CDYL: variants seen among roughly 807,000 people sequenced by gnomAD.
CDYL encodes the protein chromodomain Y-like protein.
CDYL carries 8 observed loss-of-function variants against 47.3 expected under a neutral mutation model. That is an observed-to-expected ratio of 0.17 (90% CI 0.10 to 0.31). The LOEUF (loss-of-function observed/expected upper bound fraction) is 0.31. Ranked by LOEUF, CDYL falls within the 10% of genes least tolerant of loss-of-function variation. The pLI is 1.00. For synonymous variants in CDYL, 266 were observed against 265.0 expected (o/e 1.00, Z -0.04); for missense variants, 471 against 701.4 (o/e 0.67, Z 3.71).
intron 1 of CDYL, among the ~76,000 whole-genome samples, chr6:4,879,496 T>C (rs1471236087): frequency 6.6e-6 from 1 of 151,820 alleles, no homozygotes; most frequent in Non-Finnish European, 1.5e-5. Flanking sequence ...TTTAGTTTCA[T>C]GAGAGTCTCC....
At chr6:4,894,963 G>A (rs28580117) in intron 2 of CDYL, among the ~76,000 whole-genome samples, 3 of 149,334 alleles carry the variant, frequency 2.0e-5, no homozygotes, top group African/African-American at 7.6e-5. Context: ...GTATATATAC[G>A]TATGTGTATA....
intron 1 of CDYL, among the ~76,000 whole-genome samples, chr6:4,857,461 A>G (rs1449423834): frequency 2.6e-5 from 4 of 152,236 alleles, no homozygotes; most frequent in Non-Finnish European, 5.9e-5. Flanking sequence ...TTCTTGAGAA[A>G]TAAGTCTAAG....
chr6:4,729,579 C>T (rs1423594925), intron 2 of CDYL, among the ~76,000 whole-genome samples: 1 of 152,172 alleles, frequency 6.6e-6, no homozygotes, highest in East Asian at 1.9e-4. Flanking sequence ...AATTAGAAAT[C>T]CATCATCTAA....
rs1297998802 is a variant in CDYL, at chr6:4,776,818, TC to T, written c.24+17del. 19 of 756,380 alleles carry T rather than the reference TC, an allele frequency of 2.5e-5. No individual in the cohort carries two copies. The highest frequency in any genetic ancestry group is 1.2e-4 in the Admixed American group (2 of 16,278). 46.9% of individuals were successfully genotyped at this position (756,380 alleles called of 1,614,324 possible). ...GAGGAGCTGTACGAGGTACCTCCCC[TC>T]CCCCCGGCCTCGGGCCGCCCCCCGC... On this transcript the variant is annotated intron_variant, in intron 1 of 6. Coordinates refer to ENST00000397588, the MANE Select transcript of CDYL (RefSeq NM_004824.4).
At chr6:4,872,350 C>T (rs1292387720) in intron 1 of CDYL, among the ~76,000 whole-genome samples, 2 of 134,056 alleles carry the variant, frequency 1.5e-5, no homozygotes, top group African/African-American at 5.8e-5. Flanking sequence ...TTGGTTGGTA[C>T]ATTAGGTTTA....
intron 2 of CDYL, among the ~76,000 whole-genome samples, chr6:4,729,310 C>T (rs1165262242): frequency 6.6e-6 from 1 of 152,164 alleles, no homozygotes; most frequent in African/African-American, 2.4e-5. Context: ...TGTTTTCAAG[C>T]CTTTTTCCGA....
intron 1 of CDYL, 112 bp from the exon 2 acceptor site, chr6:4,891,601 C>T: frequency 1.3e-6 from 1 of 795,294 alleles, no homozygotes; most frequent in Non-Finnish European, 2.0e-6. Flanking sequence ...CAGAAGAGAT[C>T]ATTTTATCAT....
At chr6:4,895,699 G>C (rs73717745) in intron 2 of CDYL, among the ~76,000 whole-genome samples, 4,783 of 152,108 alleles carry the variant, frequency 0.031, 230 homozygotes, top group African/African-American at 0.11. Context: ...GTTCCCTCTC[G>C]TGTGTTAGTT....
intron 1 of CDYL, among the ~76,000 whole-genome samples, chr6:4,842,261 T>A (rs1760524703): frequency 6.9e-6 from 1 of 145,760 alleles, no homozygotes; most frequent in Non-Finnish European, 1.5e-5. Context: ...AAAATAAATA[T>A]TAATATAAAT....
intron 3 of CDYL, among the ~76,000 whole-genome samples, chr6:4,746,161 C>A (rs1417028205): frequency 6.6e-6 from 1 of 151,986 alleles, no homozygotes; most frequent in African/African-American, 2.4e-5. Flanking sequence ...GTCAGGAGTT[C>A]TAGACCGGCC....
intron 1 of CDYL, among the ~76,000 whole-genome samples, chr6:4,875,306 T>G (rs1330957420): frequency 1.3e-5 from 2 of 152,224 alleles, no homozygotes; most frequent in African/African-American, 4.8e-5. Context: ...ATACATTTGC[T>G]GTATAAATGT....
At chr6:4,784,271 G>A (rs932297715) in intron 1 of CDYL, among the ~76,000 whole-genome samples, 1 of 152,184 alleles carries the variant, frequency 6.6e-6, no homozygotes, top group Non-Finnish European at 1.5e-5. Context: ...TGGGTTGGGG[G>A]CAGTTACTGA....
chr6:4,820,193 C>T (rs921508798), intron 1 of CDYL, among the ~76,000 whole-genome samples: 3 of 152,180 alleles, frequency 2.0e-5, no homozygotes, highest in African/African-American at 7.2e-5. Context: ...CATAAATGCA[C>T]CCAACAGGTA....
At chr6:4,837,489 G>A (rs1266178182) in intron 1 of CDYL, among the ~76,000 whole-genome samples, 2 of 142,862 alleles carry the variant, frequency 1.4e-5, no homozygotes, top group African/African-American at 5.3e-5. Flanking sequence ...TTTGGAGACA[G>A]AGTCTTGCTC....
At position 4,891,933 on chromosome 6, in the gene CDYL, A is replaced by G; in HGVS notation, c.245A>G (p.Gln82Arg). 6.2e-7 allele frequency: 1 copy of G among 1,614,190 alleles called. No homozygotes were observed. The highest frequency in any genetic ancestry group is 1.3e-5 in the African/African-American group (1 of 75,050). Residue 82 changes from glutamine (Q) to arginine (R), a missense_variant, in exon 2 of 7, where the codon CAA (glutamine) becomes CGA (arginine). Physicochemically the swap from Gln to Arg is conservative, Grantham distance 43. Coordinates refer to ENST00000397588, the MANE Select transcript of CDYL (RefSeq NM_004824.4). ...ACCTCTCCCAACAATGCTAGGAAACAAATCTCCAGATCCACCAACAGCAAC... is the reference window on the plus strand; with the variant it reads ...ACCTCTCCCAACAATGCTAGGAAACGAATCTCCAGATCCACCAACAGCAAC... ...NRTSPNNARK[Q>R]ISRSTNSNFS...
chr6:4,816,972 C>T (rs1371734741), intron 1 of CDYL, among the ~76,000 whole-genome samples: 2 of 152,164 alleles, frequency 1.3e-5, no homozygotes, highest in Non-Finnish European at 2.9e-5. Context: ...CATATACCCA[C>T]CTTGAACACA....
intron 1 of CDYL, among the ~76,000 whole-genome samples, chr6:4,795,144 G>C (rs1759034337): frequency 6.8e-6 from 1 of 147,820 alleles, no homozygotes; most frequent in South Asian, 2.2e-4. Context: ...TTTGTTAGAT[G>C]CTCTTTTTTA....
chr6:4,884,286 C>T (rs1761843594), intron 1 of CDYL, among the ~76,000 whole-genome samples: 1 of 152,170 alleles, frequency 6.6e-6, no homozygotes, highest in Non-Finnish European at 1.5e-5. Context: ...TATGGTATTG[C>T]TTTAGCTGGC....
intron 1 of CDYL, among the ~76,000 whole-genome samples, chr6:4,829,874 T>A (rs556212335): frequency 6.6e-6 from 1 of 152,362 alleles, no homozygotes; most frequent in Non-Finnish European, 1.5e-5. Flanking sequence ...GAATGCAGGC[T>A]GTCAGGCCAG....
Sources: allele counts gnomAD v4.1 joint callset (sites outside exome capture counted in the v4.1 genomes callset), GRCh38; gene constraint gnomAD v4.1.1; transcripts MANE v1.5; gene names NCBI Gene and HGNC (gene_info 2026-07-23, HGNC 2026-07-21).